POU2F1: variants seen among roughly 807,000 people sequenced by gnomAD.
POU2F1 encodes the protein POU domain, class 2, transcription factor 1.
POU2F1 carries 16 observed loss-of-function variants against 84.9 expected under a neutral mutation model. That is an observed-to-expected ratio of 0.19 (90% CI 0.13 to 0.29). The LOEUF is 0.29. POU2F1 is among the 10% of genes least tolerant of loss of function. POU2F1 has a pLI of 1.00. For synonymous variants in POU2F1, 368 were observed against 368.3 expected, an observed-to-expected ratio of 1.00 and a Z score of 0.01; for missense variants, 738 against 942.6, an observed-to-expected ratio of 0.78 and a Z score of 2.84.
At chr1:167,370,323 T>C (rs530987361) in intron 4 of POU2F1, 109 bp downstream of exon 4, 5 of 813,376 alleles carry the variant, frequency 6.1e-6, no homozygotes, top group Non-Finnish European at 5.4e-6. Context: ...TATTACCTTT[T>C]CAAAATTAGT....
intron 3 of POU2F1, among the ~76,000 whole-genome samples, chr1:167,366,947 C>A (rs906192033): frequency 2.6e-5 from 4 of 152,052 alleles, no homozygotes; most frequent in Non-Finnish European, 5.9e-5. Flanking sequence ...ACTGAGGGTG[C>A]ACAGATGATG....
At chr1:167,379,870 C>T (rs529065271) in intron 7 of POU2F1, 1 of 152,200 alleles carries the variant, frequency 6.6e-6, no homozygotes, top group East Asian at 1.9e-4. Flanking sequence ...AATTACTGTT[C>T]ATTCTGATTT....
At chr1:167,225,727 GTTTT>G (rs1230144443) in intron 1 of POU2F1, among the ~76,000 whole-genome samples, 2 of 152,146 alleles carry the variant, frequency 1.3e-5, no homozygotes, top group African/African-American at 4.8e-5. Flanking sequence ...ATTTATTTGT[GTTTT>G]TTAAGTTGGT....
intron 1 of POU2F1, among the ~76,000 whole-genome samples, chr1:167,299,407 GA>G (rs1354656416): frequency 2.0e-5 from 3 of 152,080 alleles, no homozygotes; most frequent in African/African-American, 7.2e-5. Flanking sequence ...TTAATATGTT[GA>G]AAAAATTATT....
rs1650495506 is a variant in POU2F1 at position 167,419,180 on chromosome 1, A to T, written c.*3370A>T. The T allele has an allele frequency of 6.6e-6, 1 of 152,172 alleles. No individual in the cohort carries two copies. The highest frequency in any genetic ancestry group is 1.5e-5 in the Non-Finnish European group (1 of 68,036). The allele number at this position is 152,172 out of a possible 1,614,324, so 9.4% of individuals were successfully genotyped here. Reference sequence around the variant, plus strand: ...ACTATCTTCTAAGCTAAGATACTCAAATTTAACTTTTAGCCACCTTATATG... The same window carrying T: ...ACTATCTTCTAAGCTAAGATACTCATATTTAACTTTTAGCCACCTTATATG... On this transcript the variant is annotated 3_prime_UTR_variant, in exon 16 of 16. Transcript: ENST00000367866.
At chr1:167,315,719 G>A (rs1397322394) in intron 1 of POU2F1, among the ~76,000 whole-genome samples, 1 of 151,582 alleles carries the variant, frequency 6.6e-6, no homozygotes, top group Non-Finnish European at 1.5e-5. Flanking sequence ...CGAGATGATC[G>A]ATTGAGCCCA....
chr1:167,249,874 A>C (rs187201488), intron 1 of POU2F1, among the ~76,000 whole-genome samples: 1 of 152,220 alleles, frequency 6.6e-6, no homozygotes, highest in Non-Finnish European at 1.5e-5. Flanking sequence ...GCAGTGGAGC[A>C]CTGTGATGAG....
chr1:167,237,768 ATATATTTTT>A (rs1380512195), intron 1 of POU2F1, among the ~76,000 whole-genome samples: 2 of 15,374 alleles, frequency 1.3e-4, no homozygotes, highest in Admixed American at 1.2e-3. Flanking sequence ...ATATATATAT[ATATATTTTT>A]TTTTTTTTTT....
chr1:167,326,394 G>GGAAAA (rs10647793), intron 1 of POU2F1, among the ~76,000 whole-genome samples: 7,585 of 152,236 alleles, frequency 0.05, 443 homozygotes, highest in Admixed American at 0.18. Flanking sequence ...GAACTTTGTG[G>GGAAAA]GAAAAGCTGT....
chr1:167,345,465 CTA>C (rs1308878140), intron 2 of POU2F1, among the ~76,000 whole-genome samples: 4 of 152,134 alleles, frequency 2.6e-5, no homozygotes, highest in African/African-American at 9.7e-5. Context: ...ATAAACAAGT[CTA>C]GGATTAAAAT....
intron 1 of POU2F1, among the ~76,000 whole-genome samples, chr1:167,292,493 A>C (rs1390344403): frequency 1.3e-5 from 2 of 151,610 alleles, no homozygotes; most frequent in Non-Finnish European, 1.5e-5. Context: ...AAAAAAAAAA[A>C]AAAACTTGCC....
chr1:167,369,990 G>A (rs1320143016), intron 3 of POU2F1, among the ~76,000 whole-genome samples, 171 bp from the exon 4 acceptor site: 1 of 151,940 alleles, frequency 6.6e-6, no homozygotes, highest in African/African-American at 2.4e-5. Context: ...GTGGGGTAGG[G>A]TGGGTTGAGA....
chr1:167,222,990 T>C (rs1355719737), intron 1 of POU2F1, among the ~76,000 whole-genome samples: 1 of 152,144 alleles, frequency 6.6e-6, no homozygotes, highest in East Asian at 1.9e-4. Flanking sequence ...GTGGAGTAGC[T>C]AAATATTAGA....
chr1:167,413,580 T>C lies in POU2F1; in HGVS notation c.1990+466T>C, dbSNP rs542108928. 3.3e-5 allele frequency among the ~76,000 whole-genome samples: 5 copies of C among 152,330 alleles called. No homozygotes were observed. In the East Asian group the frequency reaches 9.7e-4, roughly 29 times the overall value. On this transcript the variant is annotated intron_variant, in intron 15 of 15. Transcript: ENST00000367866. ...TGAACAAACATTGGAACACATCAGG[T>C]GGACCTCAGGAGTGCTTTTAATTCT...
chr1:167,274,647 A>AT (rs1652595069), intron 1 of POU2F1, among the ~76,000 whole-genome samples: 1 of 152,200 alleles, frequency 6.6e-6, no homozygotes, highest in Non-Finnish European at 1.5e-5. Context: ...CACAGTTAAA[A>AT]TTCAGTCTTT....
At chr1:167,387,914 C>CT (rs1392005165) in intron 8 of POU2F1, among the ~76,000 whole-genome samples, 2 of 152,086 alleles carry the variant, frequency 1.3e-5, no homozygotes, top group African/African-American at 4.8e-5. Flanking sequence ...AAAGAAGAAG[C>CT]TAGCAGATTA....
At chr1:167,242,583 A>C (rs1470520542) in intron 1 of POU2F1, among the ~76,000 whole-genome samples, 2 of 152,236 alleles carry the variant, frequency 1.3e-5, no homozygotes, top group Non-Finnish European at 1.5e-5. Flanking sequence ...AAGATAGTTG[A>C]GAGAAGCAAA....
intron 12 of POU2F1, 74 bp from the exon 13 acceptor site, chr1:167,401,377 A>C: frequency 9.8e-7 from 1 of 1,021,724 alleles, no homozygotes; most frequent in Non-Finnish European, 1.4e-6. Context: ...AGATCAAAGA[A>C]AGACTGTAAA....
At chr1:167,312,284 G>T (rs570744575) in intron 1 of POU2F1, among the ~76,000 whole-genome samples, 1 of 151,048 alleles carries the variant, frequency 6.6e-6, no homozygotes, top group East Asian at 2.0e-4. Flanking sequence ...GCCTAGGCTG[G>T]AGTACAGTGG....
Sources: allele counts gnomAD v4.1 joint callset (sites outside exome capture counted in the v4.1 genomes callset), GRCh38; gene constraint gnomAD v4.1.1; transcripts MANE v1.5; gene names NCBI Gene and HGNC (gene_info 2026-07-23, HGNC 2026-07-21).